Variants in ARHGAP20 observed in about 807,000 individuals in gnomAD.
ARHGAP20 encodes the protein rho GTPase-activating protein 20.
ARHGAP20 carries 34 observed loss-of-function variants against 73.7 expected under a neutral mutation model. That is an observed-to-expected ratio of 0.46 (90% CI 0.35 to 0.61). The LOEUF (loss-of-function observed/expected upper bound fraction) is 0.61. Ranked by LOEUF, ARHGAP20 falls within the 20% of genes least tolerant of loss-of-function variation. The pLI, the probability that ARHGAP20 is intolerant of heterozygous loss-of-function variation, is 0.00. For missense variants in ARHGAP20, 1,314 were observed against 1,420.9 expected, an observed-to-expected ratio of 0.92 and a Z score of 1.21; for synonymous variants, 523 against 518.2, an observed-to-expected ratio of 1.01 and a Z score of -0.13.
chr11:110,697,420 T>A (rs1950357483), intron 1 of ARHGAP20, among the ~76,000 whole-genome samples: 3 of 151,782 alleles, frequency 2.0e-5, no homozygotes, highest in Admixed American at 6.6e-5. Context: ...CATTTTTTAA[T>A]GGAGCTGTTT....
intron 2 of ARHGAP20, among the ~76,000 whole-genome samples, chr11:110,641,756 G>A (rs1949083187): frequency 6.6e-6 from 1 of 152,010 alleles, no homozygotes; most frequent in African/African-American, 2.4e-5. Flanking sequence ...ATGAAAGAAT[G>A]AGAAGAATCA....
In ARHGAP20 at chr11:110,591,868, A is replaced by G. The variant is rs1384697185; in HGVS notation, c.1143+109T>C. 3 of 1,159,674 alleles carry G rather than the reference A, an allele frequency of 2.6e-6. No individual in the cohort carries two copies. In the Admixed American group the frequency reaches 6.6e-5, roughly 26 times the overall value. The allele number at this position is 1,159,674 out of a possible 1,614,324, so 71.8% of individuals were successfully genotyped here. On this transcript the variant is annotated intron_variant, in intron 10 of 14. Transcript: ENST00000683387. Reference sequence around the variant, plus strand: ...GGAATAATAGTGAAGATTCTTAGCCAAAGACAGTGGTGTCTATAATTTTTC... The same window carrying G: ...GGAATAATAGTGAAGATTCTTAGCCGAAGACAGTGGTGTCTATAATTTTTC...
At chr11:110,601,533 T>C (rs1948109309) in intron 9 of ARHGAP20, among the ~76,000 whole-genome samples, 1 of 152,218 alleles carries the variant, frequency 6.6e-6, no homozygotes. Flanking sequence ...CATATTTTAA[T>C]CATTCAATCA....
At chr11:110,637,966 A>G (rs1473645633) in intron 2 of ARHGAP20, among the ~76,000 whole-genome samples, 2 of 152,118 alleles carry the variant, frequency 1.3e-5, no homozygotes, top group Non-Finnish European at 2.9e-5. Flanking sequence ...TTAGCAGCAG[A>G]TGAGAAAGGG....
At chr11:110,625,022 T>TTTTTTA (rs1565445268) in intron 3 of ARHGAP20, among the ~76,000 whole-genome samples, 7 of 112,334 alleles carry the variant, frequency 6.2e-5, no homozygotes, top group African/African-American at 3.7e-4. Flanking sequence ...TTTTTTTTAT[T>TTTTTTA]TTTATTTTTA....
chr11:110,698,569 A>G (rs1950382134), intron 1 of ARHGAP20, among the ~76,000 whole-genome samples: 1 of 151,540 alleles, frequency 6.6e-6, no homozygotes, highest in African/African-American at 2.4e-5. Flanking sequence ...TTCTTGGAAG[A>G]TTTTTACTAC....
chr11:110,663,416 C>T (rs975974210), intron 2 of ARHGAP20, among the ~76,000 whole-genome samples: 1 of 150,720 alleles, frequency 6.6e-6, no homozygotes, highest in Admixed American at 6.6e-5. Context: ...CCAAAGGTAA[C>T]ATTGCTACAG....
At chr11:110,643,755 G>T (rs762436884) in intron 2 of ARHGAP20, among the ~76,000 whole-genome samples, 1 of 152,010 alleles carries the variant, frequency 6.6e-6, no homozygotes, top group Non-Finnish European at 1.5e-5. Flanking sequence ...AGAGTATTCT[G>T]TGGGTGTCTA....
intron 1 of ARHGAP20, among the ~76,000 whole-genome samples, chr11:110,697,440 C>T (rs956079002): frequency 2.0e-5 from 3 of 150,892 alleles, no homozygotes; most frequent in Admixed American, 6.6e-5. Context: ...TTTTTCTTGT[C>T]GAGTTCTTTC....
At chr11:110,593,358 G>T (rs909956822) in intron 9 of ARHGAP20, among the ~76,000 whole-genome samples, 1 of 152,092 alleles carries the variant, frequency 6.6e-6, no homozygotes. Context: ...TCTCTTTAAG[G>T]TTACACTTTT....
intron 2 of ARHGAP20, among the ~76,000 whole-genome samples, chr11:110,653,551 T>C (rs1949403563): frequency 6.6e-6 from 1 of 152,046 alleles, no homozygotes; most frequent in East Asian, 1.9e-4. Flanking sequence ...AGAACAGTGA[T>C]TATTAAAAAG....
chr11:110,656,558 C>CAG (rs1308602788), intron 2 of ARHGAP20, among the ~76,000 whole-genome samples: 8 of 152,164 alleles, frequency 5.3e-5, no homozygotes, highest in Non-Finnish European at 5.9e-5. Flanking sequence ...CTCCAAGAGG[C>CAG]AGATGGGTTT....
chr11:110,597,557 C>A (rs1240529277), intron 9 of ARHGAP20, among the ~76,000 whole-genome samples: 1 of 152,116 alleles, frequency 6.6e-6, no homozygotes, highest in Non-Finnish European at 1.5e-5. Flanking sequence ...CTCGGCCTCC[C>A]AAAGTGCTGG....
At chr11:110,613,015 C>CA (rs1424297259) in intron 6 of ARHGAP20, among the ~76,000 whole-genome samples, 1 of 152,036 alleles carries the variant, frequency 6.6e-6, no homozygotes, top group Non-Finnish European at 1.5e-5. Flanking sequence ...AAATTTTTTC[C>CA]ATTTAATTTA....
At chr11:110,699,618 C>A (rs1259900883) in intron 1 of ARHGAP20, among the ~76,000 whole-genome samples, 1 of 151,900 alleles carries the variant, frequency 6.6e-6, no homozygotes, top group Non-Finnish European at 1.5e-5. Context: ...ATAGTTATAT[C>A]TTCTTGTATT....
At chr11:110,689,892 T>A (rs1950209613) in intron 2 of ARHGAP20, among the ~76,000 whole-genome samples, 1 of 152,074 alleles carries the variant, frequency 6.6e-6, no homozygotes. Flanking sequence ...TTGGCCCTCT[T>A]TCAAGTTGTA....
At chr11:110,618,475 T>G (rs1948534881) in intron 4 of ARHGAP20, among the ~76,000 whole-genome samples, 2 of 152,248 alleles carry the variant, frequency 1.3e-5, no homozygotes, top group Non-Finnish European at 2.9e-5. Context: ...TGACTGATTT[T>G]CCCATTCTTT....
chr11:110,694,339 G>A (rs1428247286), intron 1 of ARHGAP20, among the ~76,000 whole-genome samples: 1 of 151,676 alleles, frequency 6.6e-6, no homozygotes, highest in East Asian at 1.9e-4. Flanking sequence ...GAAATTATTA[G>A]GTTGGTGTAC....
intron 11 of ARHGAP20, among the ~76,000 whole-genome samples, chr11:110,587,325 T>C (rs1325981949): frequency 6.6e-6 from 1 of 152,166 alleles, no homozygotes; most frequent in East Asian, 1.9e-4. Flanking sequence ...ACCATACACA[T>C]GGTTGGCTAC....
Sources: allele counts gnomAD v4.1 joint callset (sites outside exome capture counted in the v4.1 genomes callset), GRCh38; gene constraint gnomAD v4.1.1; transcripts MANE v1.5; gene names NCBI Gene and HGNC (gene_info 2026-07-23, HGNC 2026-07-21).